NUP153: variants seen among roughly 807,000 people sequenced by gnomAD.
NUP153 encodes the protein nucleoporin 153.
NUP153 carries 27 observed loss-of-function variants against 134.6 expected under a neutral mutation model. That is an observed-to-expected ratio of 0.20 (90% CI 0.15 to 0.28). The LOEUF is 0.28. NUP153 is among the 10% of genes least tolerant of loss of function. The pLI is 1.00. For synonymous variants in NUP153, 640 were observed against 623.5 expected, an observed-to-expected ratio of 1.03 and a Z score of -0.40; for missense variants, 1,821 against 1,731.3, an observed-to-expected ratio of 1.05 and a Z score of -0.92.
intron 8 of NUP153, among the ~76,000 whole-genome samples, chr6:17,668,032 A>C (rs1250421291): frequency 6.6e-6 from 1 of 151,672 alleles, no homozygotes; most frequent in East Asian, 1.9e-4. Flanking sequence ...AAGTATACAA[A>C]GATGATGATG....
At chr6:17,616,972 G>A (rs375991656) in intron 20 of NUP153, among the ~76,000 whole-genome samples, 3 of 152,106 alleles carry the variant, frequency 2.0e-5, no homozygotes, top group African/African-American at 7.2e-5. Flanking sequence ...GGATGGTCTC[G>A]ATCTCCTGAC....
chr6:17,647,872 G>T lies in NUP153; in HGVS notation c.1567C>A (p.Pro523Thr). ...QMTSPSSTGS[P>T]MFKFSSPIVK... ...ATTGGAGATGAAAATTTAAACATGG[G>T]ACTGCCAGTGCTGCTCGGAGAGGTC... The change falls in exon 13 of 22, where the codon CCC becomes ACC. Residue 523 changes from proline to threonine, a missense_variant. Physicochemically the swap from Pro to Thr is conservative, Grantham distance 38 (BLOSUM62 -1). Coordinates refer to ENST00000262077, the MANE Select transcript of NUP153 (RefSeq NM_005124.4). The T allele has an allele frequency of 2.5e-6, 4 of 1,613,448 alleles. No individual in the cohort carries two copies. The highest frequency in any genetic ancestry group is 3.4e-6 in the Non-Finnish European group (4 of 1,179,452).
chr6:17,635,217 C>T (rs1765487289), intron 16 of NUP153, among the ~76,000 whole-genome samples: 1 of 148,000 alleles, frequency 6.8e-6, no homozygotes, highest in South Asian at 2.2e-4. Flanking sequence ...TCACACCATT[C>T]TCCTGCCTCA....
rs1469828302 is a variant in NUP153, at chr6:17,615,177, G to T, written c.*920C>A. 6.6e-6 allele frequency: 1 copy of T among 152,468 alleles called. No homozygotes were observed. Among genetic ancestry groups the T allele is most frequent in the Non-Finnish European group, 1.5e-5 (1 of 68,000 alleles). 9.4% of individuals were successfully genotyped at this position (152,468 alleles called of 1,614,324 possible). A position where few individuals can be genotyped will look rare whatever the true frequency, so the allele number is the denominator to read the frequency against. ...CATTTTAGTAAATATAAAAATATATGCTTAATACTTTGTACAATACTGGTT... is the reference window on the plus strand; with the variant it reads ...CATTTTAGTAAATATAAAAATATATTCTTAATACTTTGTACAATACTGGTT... On this transcript the variant is annotated 3_prime_UTR_variant, in exon 22 of 22. Coordinates refer to ENST00000262077, the MANE Select transcript of NUP153 (RefSeq NM_005124.4). The surrounding 1 kb of genome is among the most constrained non-coding windows in gnomAD (Gnocchi z 5.7).
chr6:17,626,280 A>AT lies in NUP153; in HGVS notation c.3545-117dup, dbSNP rs1764945062. 14 of 693,468 alleles carry AT rather than the reference A, an allele frequency of 2.0e-5. No individual in the cohort carries two copies. The East Asian group carries it at 2.4e-4, about 12-fold the overall frequency. The allele number at this position is 693,468 out of a possible 1,614,324, so 43.0% of individuals were successfully genotyped here. Reference sequence around the variant, plus strand: ...TACCCTAGAATTCGCTAGAAAATAGATTTTTTATATAGATTACTTCATCAA... The same window carrying AT: ...TACCCTAGAATTCGCTAGAAAATAGATTTTTTTATATAGATTACTTCATCAA... On this transcript the variant is annotated intron_variant, in intron 18 of 21. Transcript: ENST00000262077.
At chr6:17,655,202 A>G (rs1239082035) in intron 11 of NUP153, among the ~76,000 whole-genome samples, 1 of 152,210 alleles carries the variant, frequency 6.6e-6, no homozygotes, top group East Asian at 1.9e-4. Context: ...TAATGACTAC[A>G]ATCCTTGCAC....
rs114571095 is a variant in NUP153, at chr6:17,645,646, A to G, written c.1720+421T>C. On this transcript the variant is annotated intron_variant, in intron 14 of 21. Coordinates refer to ENST00000262077, the MANE Select transcript of NUP153 (RefSeq NM_005124.4). The stretch of plus-strand genomic sequence containing the variant: ...TTCGGTTCAGAAATTATGTATCACA[A>G]TCTACATGGGCCTGCATAACCTTTA... Among the ~76,000 whole-genome samples the G allele has an allele frequency of 5.0e-3, 762 of 152,134 alleles. 10 individuals are homozygous for G. The highest frequency in any genetic ancestry group is 0.017 in the African/African-American group (721 of 41,492).
chr6:17,623,077 C>T (rs539915492), intron 20 of NUP153, among the ~76,000 whole-genome samples: 69 of 147,074 alleles, frequency 4.7e-4, no homozygotes, highest in Admixed American at 1.5e-3. Context: ...TTGCAGTGAG[C>T]GGAGATCAAG....
chr6:17,629,184 A>C lies in NUP153; in HGVS notation c.3015T>G (p.Leu1005=). 1 of 1,613,170 alleles carries C rather than the reference A, an allele frequency of 6.2e-7. No individual in the cohort carries two copies. Among genetic ancestry groups the C allele is most frequent in the South Asian group, 1.1e-5 (1 of 90,764 alleles). The change falls in exon 18 of 22, where the codon CTT becomes CTG. Residue 1005 remains leucine (L), a synonymous_variant. Coordinates refer to ENST00000262077, the MANE Select transcript of NUP153 (RefSeq NM_005124.4). The part of the protein sequence containing the change: ...LTPFQFGVSN[L]GQEEKKEELP... ...GTTCCTCTTTCTTTTCTTCCTGTCCAAGATTAGATACCCCAAATTGAAATG... is the reference window on the plus strand; with the variant it reads ...GTTCCTCTTTCTTTTCTTCCTGTCCCAGATTAGATACCCCAAATTGAAATG...
intron 1 of NUP153, among the ~76,000 whole-genome samples, chr6:17,704,470 A>C (rs1770341846): frequency 6.6e-6 from 1 of 152,194 alleles, no homozygotes; most frequent in Non-Finnish European, 1.5e-5. Context: ...TGCATGTGTA[A>C]CTTCCATTCT....
chr6:17,685,433 C>T (rs952387102), intron 2 of NUP153, among the ~76,000 whole-genome samples: 1 of 151,808 alleles, frequency 6.6e-6, no homozygotes, highest in Non-Finnish European at 1.5e-5. Flanking sequence ...CCTGCAGTCC[C>T]AGCTACTTGG....
chr6:17,618,094 T>A (rs1764434057), intron 20 of NUP153, among the ~76,000 whole-genome samples: 1 of 152,108 alleles, frequency 6.6e-6, no homozygotes, highest in African/African-American at 2.4e-5. Context: ...TCTGATACCC[T>A]CCATGCAGGA....
At chr6:17,624,141 A>G (rs1764794103) in intron 20 of NUP153, among the ~76,000 whole-genome samples, 1 of 152,262 alleles carries the variant, frequency 6.6e-6, no homozygotes, top group Non-Finnish European at 1.5e-5. Context: ...GGCTGGTATC[A>G]TCAGTAAATA....
intron 13 of NUP153, among the ~76,000 whole-genome samples, chr6:17,646,798 G>A (rs1442582923): frequency 1.3e-5 from 2 of 151,590 alleles, no homozygotes; most frequent in East Asian, 1.9e-4. Flanking sequence ...GGAGTGCAAC[G>A]GCACAATCTC....
chr6:17,651,402 G>C (rs944381150), intron 11 of NUP153, among the ~76,000 whole-genome samples: 1 of 151,960 alleles, frequency 6.6e-6, no homozygotes, highest in African/African-American at 2.4e-5. Flanking sequence ...GCTTTCAAAA[G>C]GAACAACAGA....
At chr6:17,637,791 A>T (rs770547550) in intron 15 of NUP153, 21 bp from the exon 16 acceptor site, 79 of 1,570,842 alleles carry the variant, frequency 5.0e-5, no homozygotes, top group Non-Finnish European at 6.3e-5. Context: ...CGAAGGAGAG[A>T]GTGCAACGTT....
chr6:17,639,902 G>GGCTTATC (rs1248965804), intron 15 of NUP153, 37 bp downstream of exon 15: 2 of 1,565,514 alleles, frequency 1.3e-6, no homozygotes, highest in South Asian at 2.4e-5. Flanking sequence ...GAGATCATGA[G>GGCTTATC]TTTGTAATCA....
At chr6:17,692,723 T>C (rs1286936561) in intron 1 of NUP153, among the ~76,000 whole-genome samples, 3 of 152,184 alleles carry the variant, frequency 2.0e-5, no homozygotes, top group African/African-American at 7.2e-5. Context: ...TTTTTAGCAG[T>C]ATTATCAGCA....
At position 17,628,521 on chromosome 6, in the gene NUP153, A is replaced by C. The variant is rs1334934462; in HGVS notation, c.3544+134T>G. 7.0e-6 allele frequency: 3 copies of C among 427,334 alleles called. No homozygotes were observed. The highest frequency in any genetic ancestry group is 1.1e-5 in the Non-Finnish European group (3 of 267,038). The allele number at this position is 427,334 out of a possible 1,614,324, so 26.5% of individuals were successfully genotyped here. A position where few individuals can be genotyped will look rare whatever the true frequency, so the allele number is the denominator to read the frequency against. On this transcript the variant is annotated intron_variant, in intron 18 of 21. Transcript: ENST00000262077. This position sits in a 1 kb window ranked among gnomAD's most constrained non-coding sequence, Gnocchi z 5.4. ...AACTGAAAATCCTAGGTTCCTTCCC[A>C]AAGAGTTCTGTATTTCTCAACTATG...
Sources: allele counts gnomAD v4.1 joint callset (sites outside exome capture counted in the v4.1 genomes callset), GRCh38; gene constraint gnomAD v4.1.1; non-coding constraint Gnocchi (gnomAD v3.1); transcripts MANE v1.5; gene names NCBI Gene and HGNC (gene_info 2026-07-23, HGNC 2026-07-21).